Variants in TGFBR2 observed in about 807,000 individuals in gnomAD.
The protein encoded by TGFBR2 is TGF-beta receptor type-2.
Under a neutral mutation model 49.0 loss-of-function variants are expected in TGFBR2, and 18 were observed. That is an observed-to-expected ratio of 0.37 (90% CI 0.25 to 0.54). The LOEUF is 0.54. Ranked by LOEUF, TGFBR2 falls within the 20% of genes least tolerant of loss-of-function variation. The pLI, the probability that TGFBR2 is intolerant of heterozygous loss-of-function variation, is 0.85. For missense variants in TGFBR2, 525 were observed against 722.6 expected, an observed-to-expected ratio of 0.73 and a Z score of 3.13; for synonymous variants, 282 against 275.9, an observed-to-expected ratio of 1.02 and a Z score of -0.22.
chr3:30,661,639 G>T lies in TGFBR2; in HGVS notation c.455-9999G>T. On this transcript the variant is annotated intron_variant, in intron 3 of 6. Coordinates refer to ENST00000295754, the MANE Select transcript of TGFBR2 (RefSeq NM_003242.6). ...TGTGATGAAGACCCCAGGGTTTAGAGGTGAGTTAAGGTCATTTTGAAATCA... is the reference window on the plus strand; with the variant it reads ...TGTGATGAAGACCCCAGGGTTTAGATGTGAGTTAAGGTCATTTTGAAATCA... 4 of 503,462 alleles carry T rather than the reference G, an allele frequency of 7.9e-6. No homozygotes were observed. In the Middle Eastern group the frequency reaches 1.3e-3, roughly 162 times the overall value. 31.2% of individuals were successfully genotyped at this position (503,462 alleles called of 1,614,324 possible).
chr3:30,636,151 A>ATGTGTGTG (rs757452663), intron 1 of TGFBR2, among the ~76,000 whole-genome samples: 86 of 106,844 alleles, frequency 8.0e-4, no homozygotes, highest in East Asian at 6.6e-4. Context: ...GAAAATATAT[A>ATGTGTGTG]TGTATGTGTG....
At position 30,688,430 on chromosome 3, in the gene TGFBR2, C is replaced by A; in HGVS notation, c.1443C>A (p.His481Gln). 6.2e-7 allele frequency: 1 copy of A among 1,614,190 alleles called. No individual in the cohort carries two copies. The change falls in exon 6 of 7, where the codon CAC becomes CAA. Residue 481 changes from histidine (H) to glutamine (Q), a missense_variant. His to Gln is a conservative substitution (Grantham distance 24, BLOSUM62 0). Coordinates refer to ENST00000295754, the MANE Select transcript of TGFBR2 (RefSeq NM_003242.6). ...EPPFGSKVREHPCVESMKDNV... is the reference protein window; with the variant it reads ...EPPFGSKVREQPCVESMKDNV... ...CATTTGGTTCCAAGGTGCGGGAGCA[C>A]CCCTGTGTCGAAAGCATGAAGGACA...
intron 5 of TGFBR2, among the ~76,000 whole-genome samples, chr3:30,683,649 A>G (rs1278305507): frequency 2.0e-5 from 3 of 152,236 alleles, no homozygotes; most frequent in Non-Finnish European, 4.4e-5. Context: ...TTTTAATCAC[A>G]TGCATTTTCC....
chr3:30,683,978 CCTT>C (rs980783765), intron 5 of TGFBR2, among the ~76,000 whole-genome samples: 3 of 152,170 alleles, frequency 2.0e-5, no homozygotes, highest in Non-Finnish European at 2.9e-5. Context: ...CACGATCTTC[CCTT>C]CTTCTGCTGA....
chr3:30,669,036 T>G (rs1332640709), intron 3 of TGFBR2, among the ~76,000 whole-genome samples: 14 of 145,504 alleles, frequency 9.6e-5, no homozygotes, highest in African/African-American at 3.1e-4. Flanking sequence ...CCAGCACTTT[T>G]GGAGGCCAAG....
intron 1 of TGFBR2, among the ~76,000 whole-genome samples, chr3:30,624,628 A>AC (rs905914535): frequency 3.9e-5 from 6 of 152,110 alleles, no homozygotes; most frequent in Admixed American, 1.3e-4. Flanking sequence ...GGAAAAAAAA[A>AC]AAAGAATCAC....
At chr3:30,618,294 A>G (rs1279610123) in intron 1 of TGFBR2, among the ~76,000 whole-genome samples, 1 of 149,520 alleles carries the variant, frequency 6.7e-6, no homozygotes, top group Non-Finnish European at 1.5e-5. Flanking sequence ...CAGTGGCGCA[A>G]TCTCGGCTCG....
At chr3:30,673,229 A>G (rs1252977896) in intron 4 of TGFBR2, among the ~76,000 whole-genome samples, 3 of 152,208 alleles carry the variant, frequency 2.0e-5, no homozygotes, top group Non-Finnish European at 4.4e-5. Context: ...GTGCCAGAGT[A>G]ATGAGCCATG....
chr3:30,677,448 G>A (rs773465681), intron 5 of TGFBR2, among the ~76,000 whole-genome samples: 9 of 152,208 alleles, frequency 5.9e-5, no homozygotes, highest in African/African-American at 1.7e-4. Flanking sequence ...ATCTTTGCTC[G>A]GGCTGCAGAC....
At chr3:30,660,996 C>G (rs1009875873) in intron 3 of TGFBR2, among the ~76,000 whole-genome samples, 4 of 152,140 alleles carry the variant, frequency 2.6e-5, no homozygotes, top group African/African-American at 9.7e-5. Flanking sequence ...TTCTGGTGAC[C>G]TAACAGGTAT....
At chr3:30,656,564 C>T (rs1229576863) in intron 3 of TGFBR2, among the ~76,000 whole-genome samples, 5 of 152,148 alleles carry the variant, frequency 3.3e-5, no homozygotes, top group Non-Finnish European at 1.5e-5. Flanking sequence ...TCAGTTCATT[C>T]TTGGGTTGTT....
chr3:30,673,088 G>A (rs561495508), intron 4 of TGFBR2, among the ~76,000 whole-genome samples: 13 of 152,318 alleles, frequency 8.5e-5, no homozygotes, highest in African/African-American at 3.1e-4. Context: ...GGAGTCCATG[G>A]AGAGCAGCAC....
chr3:30,635,245 G>T (rs1698507391), intron 1 of TGFBR2, among the ~76,000 whole-genome samples: 1 of 152,160 alleles, frequency 6.6e-6, no homozygotes, highest in African/African-American at 2.4e-5. Flanking sequence ...GCAACAATGT[G>T]TAGATATTTC....
At position 30,692,944 on chromosome 3, in the gene TGFBR2, A is replaced by G. The variant is rs866188301; in HGVS notation, c.*1345A>G. 26 of 233,068 alleles carry G rather than the reference A, an allele frequency of 1.1e-4. No homozygotes were observed. The highest frequency in any genetic ancestry group is 5.5e-4 in the African/African-American group (25 of 45,316). 14.4% of individuals were successfully genotyped at this position (233,068 alleles called of 1,614,324 possible). ...AAAGCTGCCTCACTTCTCACTGTAAACATTAGCTCTTTCCACTGCCTACCT... is the reference window on the plus strand; with the variant it reads ...AAAGCTGCCTCACTTCTCACTGTAAGCATTAGCTCTTTCCACTGCCTACCT... On this transcript the variant is annotated 3_prime_UTR_variant, in exon 7 of 7. Coordinates refer to ENST00000295754, the MANE Select transcript of TGFBR2 (RefSeq NM_003242.6).
At chr3:30,689,927 GAATAA>G (rs1699684917) in intron 6 of TGFBR2, among the ~76,000 whole-genome samples, 1 of 152,188 alleles carries the variant, frequency 6.6e-6, no homozygotes. Context: ...TACAGTGCCA[GAATAA>G]AATAAATGTT....
chr3:30,661,635 T>C (rs1699133255), intron 3 of TGFBR2: 1 of 509,564 alleles, frequency 2.0e-6, no homozygotes, highest in South Asian at 1.4e-5. Flanking sequence ...CCCCAGGGTT[T>C]AGAGGTGAGT....
At position 30,672,147 on chromosome 3, in the gene TGFBR2, T is replaced by C. The variant is rs863223858; in HGVS notation, c.964T>C (p.Trp322Arg). ...GAAGACGGAGTTGGGGAAACAATAC[T>C]GGCTGATCACCGCCTTCCACGCCAA... Reference protein sequence around the residue: ...ERKTELGKQYWLITAFHAKGN... With the variant: ...ERKTELGKQYRLITAFHAKGN... The change falls in exon 4 of 7, where the codon TGG becomes CGG. Residue 322 changes from tryptophan (W) to arginine (R), a missense_variant. Transcript: ENST00000295754. This position sits in a 1 kb window ranked among gnomAD's most constrained non-coding sequence, Gnocchi z 4.5. The C allele has an allele frequency of 6.2e-7, 1 of 1,614,072 alleles. No individual in the cohort carries two copies. The highest frequency in any genetic ancestry group is 1.3e-5 in the African/African-American group (1 of 74,932).
chr3:30,658,609 G>A (rs950115149), intron 3 of TGFBR2, among the ~76,000 whole-genome samples: 1 of 152,196 alleles, frequency 6.6e-6, no homozygotes, highest in Non-Finnish European at 1.5e-5. Context: ...ATTTAGTGTG[G>A]TGATGTGTGC....
chr3:30,606,957 C>T lies in TGFBR2; in HGVS notation c.74C>T (p.Pro25Leu). 1 of 1,601,710 alleles carries T rather than the reference C, an allele frequency of 6.2e-7. No homozygotes were observed. The highest frequency in any genetic ancestry group is 8.5e-7 in the Non-Finnish European group (1 of 1,174,504). Residue 25 changes from proline (P) to leucine (L), a missense_variant, in exon 1 of 7, where the codon CCA (proline) becomes CTA (leucine). Coordinates refer to ENST00000295754, the MANE Select transcript of TGFBR2 (RefSeq NM_003242.6). The part of the protein sequence containing the change: ...VLWTRIASTI[P>L]PHVQKSVNND... The stretch of plus-strand genomic sequence containing the variant: ...TGGACGCGTATCGCCAGCACGATCC[C>T]ACCGCACGTTCAGAAGTCGGGTGAG...
Sources: allele counts gnomAD v4.1 joint callset (sites outside exome capture counted in the v4.1 genomes callset), GRCh38; gene constraint gnomAD v4.1.1; non-coding constraint Gnocchi (gnomAD v3.1); transcripts MANE v1.5; gene names NCBI Gene and HGNC (gene_info 2026-07-23, HGNC 2026-07-21).